Variants in GRID2 observed in about 807,000 individuals in gnomAD.
GRID2 encodes the protein glutamate receptor ionotropic, delta-2.
GRID2 carries 33 observed loss-of-function variants against 114.8 expected under a neutral mutation model. The observed-to-expected ratio is 0.29, with a 90% CI of 0.22 to 0.38. GRID2 has a LOEUF of 0.38. Among genes scored for constraint, GRID2 ranks in the 10% least tolerant of loss-of-function variants. The probability of loss-of-function intolerance (pLI) is 1.00; values close to 1 mark genes in which losing one functional copy is unlikely to be tolerated. For synonymous variants in GRID2, 505 were observed against 449.9 expected, an observed-to-expected ratio of 1.12 and a Z score of -1.55; for missense variants, 1,184 against 1,257.7, an observed-to-expected ratio of 0.94 and a Z score of 0.89.
intron 2 of GRID2, among the ~76,000 whole-genome samples, chr4:92,953,096 G>A (rs144324845): frequency 6.6e-5 from 10 of 152,196 alleles, no homozygotes; most frequent in Non-Finnish European, 1.3e-4. Flanking sequence ...ACCAACAGTC[G>A]TATTGGATTT....
chr4:93,501,724 A>G (rs1728127970), intron 12 of GRID2, among the ~76,000 whole-genome samples: 1 of 152,100 alleles, frequency 6.6e-6, no homozygotes, highest in Non-Finnish European at 1.5e-5. Flanking sequence ...CTATGTTAGC[A>G]TTTCCATAGA....
chr4:93,471,843 G>A (rs1724859016), intron 11 of GRID2, among the ~76,000 whole-genome samples: 1 of 148,852 alleles, frequency 6.7e-6, no homozygotes, highest in South Asian at 2.1e-4. Context: ...TGGGATTACA[G>A]GCACACACCA....
chr4:92,732,846 C>T (rs751061156), intron 2 of GRID2, among the ~76,000 whole-genome samples: 83 of 151,998 alleles, frequency 5.5e-4, no homozygotes, highest in Admixed American at 9.2e-4. Context: ...TTGGAGTTGA[C>T]GTTGTTTTGT....
At position 93,544,401 on chromosome 4, in the gene GRID2, T is replaced by C. The variant is rs192785973; in HGVS notation, c.2193+28990T>C. Among the ~76,000 whole-genome samples the C allele has an allele frequency of 4.5e-3, 687 of 152,238 alleles. 2 individuals are homozygous for C. Among genetic ancestry groups the C allele is most frequent in the Non-Finnish European group, 8.4e-3 (574 of 68,000 alleles). On this transcript the variant is annotated intron_variant, in intron 13 of 15. Coordinates refer to ENST00000282020, the MANE Select transcript of GRID2 (RefSeq NM_001510.4). The stretch of plus-strand genomic sequence containing the variant: ...TGATAATTATAGTGATAATAATAAT[T>C]ACCAATTATTGAACAGATATGCTCT...
rs540654492 is a variant in GRID2, at chr4:92,785,498, G to C, written c.244+195212G>C. Among the ~76,000 whole-genome samples, 55 of 151,624 alleles carry C rather than the reference G, an allele frequency of 3.6e-4. No homozygotes were observed. In the South Asian group the frequency reaches 0.01, roughly 28 times the overall value. On this transcript the variant is annotated intron_variant, in intron 2 of 15. Transcript: ENST00000282020. ...AAATATAAGAAATTAACTTTTTTAAGTTCTAAGTCAGTATTCTAACCAAAA... is the reference window on the plus strand; with the variant it reads ...AAATATAAGAAATTAACTTTTTTAACTTCTAAGTCAGTATTCTAACCAAAA...
chr4:92,574,355 T>C (rs926167017), intron 1 of GRID2, among the ~76,000 whole-genome samples: 1 of 151,970 alleles, frequency 6.6e-6, no homozygotes, highest in Admixed American at 6.6e-5. Flanking sequence ...TTATAACTGG[T>C]TATTTTGTAC....
chr4:92,920,366 A>G (rs1749211610), intron 2 of GRID2, among the ~76,000 whole-genome samples: 2 of 152,150 alleles, frequency 1.3e-5, no homozygotes, highest in Non-Finnish European at 2.9e-5. Context: ...TCATATTGTT[A>G]TGTGTGAATT....
intron 2 of GRID2, among the ~76,000 whole-genome samples, chr4:92,989,061 A>C (rs925505516): frequency 1.3e-5 from 2 of 152,058 alleles, no homozygotes; most frequent in Non-Finnish European, 2.9e-5. Context: ...GCAGATCACG[A>C]GGTCCGGAGA....
chr4:93,257,997 TATAC>T (rs1191338829), intron 8 of GRID2, among the ~76,000 whole-genome samples: 8 of 16,626 alleles, frequency 4.8e-4, no homozygotes, highest in Admixed American at 2.2e-3. Context: ...TATATATATA[TATAC>T]ACACACACAC....
intron 2 of GRID2, among the ~76,000 whole-genome samples, chr4:92,966,890 T>C (rs1296777795): frequency 6.6e-6 from 1 of 151,982 alleles, no homozygotes; most frequent in Non-Finnish European, 1.5e-5. Flanking sequence ...AGTAACTTAC[T>C]ATATTAGGTA....
chr4:92,759,255 T>C (rs1737871698), intron 2 of GRID2, among the ~76,000 whole-genome samples: 1 of 152,220 alleles, frequency 6.6e-6, no homozygotes, highest in Non-Finnish European at 1.5e-5. Context: ...GTCTGGGTTT[T>C]TAAATGTGCA....
intron 14 of GRID2, among the ~76,000 whole-genome samples, chr4:93,731,992 TA>T (rs1389978358): frequency 2.6e-5 from 4 of 152,172 alleles, no homozygotes; most frequent in African/African-American, 9.7e-5. Flanking sequence ...TAAATTTACA[TA>T]ATTTATTACA....
At chr4:92,990,331 A>T (rs890230440) in intron 2 of GRID2, among the ~76,000 whole-genome samples, 7 of 139,656 alleles carry the variant, frequency 5.0e-5, no homozygotes, top group Non-Finnish European at 9.3e-5. Context: ...GTGTGTGTAT[A>T]ATTTTTTTTG....
chr4:93,531,600 CTT>C (rs972293301), intron 13 of GRID2, among the ~76,000 whole-genome samples: 28 of 152,112 alleles, frequency 1.8e-4, no homozygotes, highest in Non-Finnish European at 4.0e-4. Flanking sequence ...ATTAAATACT[CTT>C]AATCTTTAAG....
At chr4:93,240,687 AT>A (rs1290927694) in intron 8 of GRID2, among the ~76,000 whole-genome samples, 1 of 151,190 alleles carries the variant, frequency 6.6e-6, no homozygotes, top group Non-Finnish European at 1.5e-5. Flanking sequence ...TCATGAATAT[AT>A]TATGCTCAAT....
chr4:92,469,358 C>G (rs1721908021), intron 1 of GRID2, among the ~76,000 whole-genome samples: 1 of 152,014 alleles, frequency 6.6e-6, no homozygotes, highest in Admixed American at 6.6e-5. Context: ...GTTCTAGGAA[C>G]CAGGTGGATA....
chr4:92,780,996 C>T (rs1024052639), intron 2 of GRID2, among the ~76,000 whole-genome samples: 1 of 152,026 alleles, frequency 6.6e-6, no homozygotes, highest in Non-Finnish European at 1.5e-5. Flanking sequence ...TGGGTAATCC[C>T]AGCACTTTGG....
intron 1 of GRID2, among the ~76,000 whole-genome samples, chr4:92,572,181 TA>T (rs1415809856): frequency 6.6e-6 from 1 of 151,922 alleles, no homozygotes; most frequent in Non-Finnish European, 1.5e-5. Flanking sequence ...ATAGATGCAA[TA>T]AAAAATGATA....
At chr4:93,556,727 A>T (rs891513516) in intron 13 of GRID2, among the ~76,000 whole-genome samples, 2 of 152,170 alleles carry the variant, frequency 1.3e-5, no homozygotes, top group African/African-American at 4.8e-5. Flanking sequence ...CCAACATTCA[A>T]ATTCAGGAAA....
Sources: gnomAD v4.1 joint callset for allele counts (sites outside exome capture counted in the v4.1 genomes callset) on GRCh38, gnomAD v4.1.1 for gene constraint, MANE v1.5 for transcripts, NCBI Gene and HGNC (gene_info 2026-07-23, HGNC 2026-07-21) for gene names.